Variants in ACTN3 observed in about 807,000 individuals in gnomAD.
ACTN3 encodes alpha-actinin-3.
In ACTN3, 91 loss-of-function variants were observed where a neutral mutation model predicts 119.6. That is an observed-to-expected ratio of 0.76 (90% CI 0.64 to 0.91). The LOEUF is 0.91. ACTN3 is among the 40% of genes least tolerant of loss of function. The pLI is 0.00. For synonymous variants in ACTN3, 456 were observed against 478.8 expected (o/e 0.95, Z 0.62); for missense variants, 1,221 against 1,215.1 (o/e 1.00, Z -0.07).
rs1857550144 is a variant in ACTN3 at position 66,554,576 on chromosome 11, G to A, written c.510G>A (p.Arg170=). ...AAGGCTTGCTTCTGTGGTGCCAGAG[G>A]AAGACAGCACCGTACCGCAACGTCA... The part of the protein sequence containing the change: ...AKEGLLLWCQ[R]KTAPYRNVNV... Residue 170 remains arginine, a synonymous_variant, in exon 5 of 21, where the codon AGG becomes AGA. Coordinates refer to ENST00000513398, the MANE Select transcript of ACTN3 (RefSeq NM_001104.4). The A allele has an allele frequency of 1.9e-6, 3 of 1,612,432 alleles. No homozygotes were observed. The South Asian group carries it at 3.3e-5, about 18-fold the overall frequency.
At chr11:66,562,384 CT>C (rs1857801838) in intron 19 of ACTN3, 62 bp downstream of exon 19, 2 of 1,527,982 alleles carry the variant, frequency 1.3e-6, no homozygotes, top group East Asian at 4.5e-5. Context: ...TGCTGATCAC[CT>C]ACTGTGCACC....
Position 66,562,054 on chromosome 11 carries a change from C to T in ACTN3, c.2208C>T (p.Thr736=), listed in dbSNP as rs1193564205. 1 of 1,613,160 alleles carries T rather than the reference C, an allele frequency of 6.2e-7. No homozygotes were observed. The highest frequency in any genetic ancestry group is 8.5e-7 in the Non-Finnish European group (1 of 1,179,634). Residue 736 remains threonine, a synonymous_variant, in exon 18 of 21, where the codon ACC becomes ACT. Coordinates refer to ENST00000513398, the MANE Select transcript of ACTN3 (RefSeq NM_001104.4). The stretch of plus-strand genomic sequence containing the variant: ...GCGTGGGCTGGGAGCAGCTGCTCAC[C>T]TCCATTGCCCGCACCATCAATGAAG... ...HIRVGWEQLL[T]SIARTINEVE... is the part of the protein sequence containing the mutation.
At chr11:66,551,688 G>A in intron 3 of ACTN3, 41 bp downstream of exon 3, 5 of 1,609,650 alleles carry the variant, frequency 3.1e-6, no homozygotes, top group Non-Finnish European at 4.2e-6. Flanking sequence ...GGGCACAGGG[G>A]CCTCTCTTGA....
At chr11:66,562,566 G>GA (rs976774780) in intron 19 of ACTN3, among the ~76,000 whole-genome samples, 3 of 152,018 alleles carry the variant, frequency 2.0e-5, no homozygotes, top group South Asian at 4.2e-4. Context: ...TGTGGCCCTG[G>GA]AAAAAAAATC....
At position 66,555,382 on chromosome 11, in the gene ACTN3, G is replaced by A; in HGVS notation, c.718+15G>A. On this transcript the variant is annotated intron_variant, in intron 7 of 20. Coordinates refer to ENST00000513398, the MANE Select transcript of ACTN3 (RefSeq NM_001104.4). ...GGATGCAGAAGGTGAGAGTGAGCTA[G>A]CCCAGGGGAAGACCCCACATTCTCC... 6.2e-7 allele frequency: 1 copy of A among 1,613,478 alleles called. No individual in the cohort carries two copies. The highest frequency in any genetic ancestry group is 8.5e-7 in the Non-Finnish European group (1 of 1,179,500).
chr11:66,554,429 GT>G, intron 4 of ACTN3, 106 bp from the exon 5 acceptor site: 1 of 867,194 alleles, frequency 1.2e-6, no homozygotes, highest in Non-Finnish European at 1.7e-6. Flanking sequence ...CTGCACTCCA[GT>G]TGGATGACAT....
At position 66,555,310 on chromosome 11, in the gene ACTN3, A is replaced by G; in HGVS notation, c.661A>G (p.Thr221Ala). Residue 221 changes from threonine to alanine, a missense_variant, in exon 7 of 21, where the codon ACT (threonine) becomes GCT (alanine). Coordinates refer to ENST00000513398, the MANE Select transcript of ACTN3 (RefSeq NM_001104.4). ...GGATGACCCCATCGGAAACCTGAAC[A>G]CTGCCTTTGAGGTGGCAGAGAAATA... ...RKDDPIGNLNTAFEVAEKYLD... is the reference protein window; with the variant it reads ...RKDDPIGNLNAAFEVAEKYLD... The G allele has an allele frequency of 6.2e-7, 1 of 1,614,084 alleles. No homozygotes were observed. The highest frequency in any genetic ancestry group is 1.1e-5 in the South Asian group (1 of 91,088).
Position 66,560,014 on chromosome 11 carries a change from G to A in ACTN3, c.1474G>A (p.Ala492Thr), listed in dbSNP as rs913811940. 1 of 1,603,720 alleles carries A rather than the reference G, an allele frequency of 6.2e-7. No homozygotes were observed. The highest frequency in any genetic ancestry group is 8.5e-7 in the Non-Finnish European group (1 of 1,176,660). Residue 492 changes from alanine (A) to threonine (T), a missense_variant, in exon 13 of 21, where the codon GCC becomes ACC. Physicochemically the swap from Ala to Thr is moderately conservative, Grantham distance 58. Coordinates refer to ENST00000513398, the MANE Select transcript of ACTN3 (RefSeq NM_001104.4). ...EAASVNSRCQ[A>T]ICDQWDNLGT... is the part of the protein sequence containing the mutation. ...AGCCTCAGTGAATAGCCGCTGCCAG[G>A]CCATCTGCGATCAGTGGGACAACCT... is the stretch of plus-strand genomic sequence containing the variant.
At chr11:66,554,475 AGTGTG>A in intron 4 of ACTN3, 56 bp from the exon 5 acceptor site, 1 of 1,244,888 alleles carries the variant, frequency 8.0e-7, no homozygotes. Flanking sequence ...AAAAAAAAGA[AGTGTG>A]AGAGGGCTGA....
chr11:66,556,107 T>C (rs1857584160), intron 7 of ACTN3, 38 bp from the exon 8 acceptor site: 1 of 1,572,186 alleles, frequency 6.4e-7, no homozygotes, highest in Non-Finnish European at 8.7e-7. Context: ...GAGGGACCCC[T>C]GGCTTTGGCC....
intron 1 of ACTN3, among the ~76,000 whole-genome samples, chr11:66,550,878 C>A (rs894764103): frequency 1.4e-4 from 21 of 152,116 alleles, no homozygotes; most frequent in Admixed American, 1.3e-3. Context: ...GCAATATCAC[C>A]CTGCACTGGC....
chr11:66,546,941 AT>A lies in ACTN3; in HGVS notation c.5del (p.Met2ArgfsTer133). MMMVMQPEGLGA... is the reference protein window; with the variant it reads MXMVMQPEGLGA... ...CGAAGCCAGGAGCCCGATCGAGATG[AT>A]GATGGTTATGCAGCCCGAGGGTCTG... On this transcript the variant is annotated frameshift_variant, in exon 1 of 21. Coordinates refer to ENST00000513398, the MANE Select transcript of ACTN3 (RefSeq NM_001104.4). LOFTEE classifies it high-confidence loss of function. 6.5e-7 allele frequency: 1 copy of A among 1,538,366 alleles called. No homozygotes were observed. The highest frequency in any genetic ancestry group is 8.7e-7 in the Non-Finnish European group (1 of 1,147,872).
At chr11:66,553,884 G>T in intron 3 of ACTN3, 161 bp from the exon 4 acceptor site, 1 of 152,622 alleles carries the variant, frequency 6.6e-6, no homozygotes, top group Non-Finnish European at 1.4e-5. Flanking sequence ...AAAAGAAAAA[G>T]AGATGCTTAT....
chr11:66,550,854 C>T (rs57127845), intron 1 of ACTN3, among the ~76,000 whole-genome samples: 17,601 of 152,166 alleles, frequency 0.12, 1,279 homozygotes, highest in Non-Finnish European at 0.17. Flanking sequence ...CAGGAGTTTT[C>T]AGATTTCAGA....
rs774446289 is a variant in ACTN3 at position 66,562,103 on chromosome 11, G to T, written c.2257G>T (p.Asp753Tyr). ...AGTGGAGAACCAGGTACTGACCCGA[G>T]ACGCCAAGGGACTGAGCCAGGAGCA... is the stretch of plus-strand genomic sequence containing the variant. Reference protein sequence around the residue: ...NEVENQVLTRDAKGLSQEQLN... With the variant: ...NEVENQVLTRYAKGLSQEQLN... Residue 753 changes from aspartate to tyrosine, a missense_variant, in exon 18 of 21, where the codon GAC becomes TAC. Coordinates refer to ENST00000513398, the MANE Select transcript of ACTN3 (RefSeq NM_001104.4). 1.2e-6 allele frequency: 2 copies of T among 1,613,944 alleles called. No individual in the cohort carries two copies. The highest frequency in any genetic ancestry group is 1.7e-6 in the Non-Finnish European group (2 of 1,179,992).
intron 4 of ACTN3, 29 bp from the exon 5 acceptor site, chr11:66,554,507 A>T: frequency 1.9e-6 from 3 of 1,569,222 alleles, no homozygotes; most frequent in Non-Finnish European, 2.6e-6. Flanking sequence ...CCCCTTCCCA[A>T]TGAATCCTCC....
rs748345706 is a variant in ACTN3, at chr11:66,561,365, AG to A, written c.1995+7del. 1.9e-6 allele frequency: 3 copies of A among 1,609,486 alleles called. No homozygotes were observed. The highest frequency in any genetic ancestry group is 2.5e-6 in the Non-Finnish European group (3 of 1,177,598). On this transcript the variant is annotated splice_donor_5th_base_variant and intron_variant, in intron 16 of 20. Coordinates refer to ENST00000513398, the MANE Select transcript of ACTN3 (RefSeq NM_001104.4). ...CTGGATCCAGGCGAAGGTGGAGGTA[AG>A]GGCTGGGATAGTGGGTCCAACCTGG... is the stretch of plus-strand genomic sequence containing the variant.
intron 18 of ACTN3, 24 bp from the exon 19 acceptor site, chr11:66,562,233 C>T (rs763747678): frequency 6.2e-6 from 10 of 1,613,824 alleles, no homozygotes; most frequent in Non-Finnish European, 8.5e-6. Flanking sequence ...GAGACCAAGC[C>T]TGATAACCAC....
chr11:66,563,237 AC>A lies in ACTN3; in HGVS notation c.*47del. 6.5e-7 allele frequency: 1 copy of A among 1,546,634 alleles called. No homozygotes were observed. The highest frequency in any genetic ancestry group is 8.7e-7 in the Non-Finnish European group (1 of 1,144,080). On this transcript the variant is annotated 3_prime_UTR_variant, in exon 21 of 21. Transcript: ENST00000513398. ...TCTATGCAAGATGGAGAGAGGATGC[AC>A]CCTGTGGCTGATCCCATCCGTCCCT... is the stretch of plus-strand genomic sequence containing the variant.
Sources: gnomAD v4.1 joint callset for allele counts (sites outside exome capture counted in the v4.1 genomes callset) on GRCh38, gnomAD v4.1.1 for gene constraint, MANE v1.5 for transcripts, NCBI Gene and HGNC (gene_info 2026-07-23, HGNC 2026-07-21) for gene names.